Variants in PHACTR4 observed in about 807,000 individuals in gnomAD.
The protein encoded by PHACTR4 is protein phosphatase 1, regulatory subunit 124.
In PHACTR4, 51 loss-of-function variants were observed where a neutral mutation model predicts 72.7. That is an observed-to-expected ratio of 0.70 (90% CI 0.56 to 0.89). The LOEUF (loss-of-function observed/expected upper bound fraction) is 0.89. Ranked by LOEUF, PHACTR4 falls within the 40% of genes least tolerant of loss-of-function variation. The pLI is 0.00. For missense variants in PHACTR4, 731 were observed against 861.8 expected, an observed-to-expected ratio of 0.85 and a Z score of 1.90; for synonymous variants, 255 against 302.5, an observed-to-expected ratio of 0.84 and a Z score of 1.63.
chr1:28,495,756 A>T (rs534725705), intron 13 of PHACTR4, among the ~76,000 whole-genome samples: 1 of 151,900 alleles, frequency 6.6e-6, no homozygotes, highest in South Asian at 2.1e-4. Flanking sequence ...AGCTGTGACT[A>T]CAGGCACAGG....
Position 28,476,143 on chromosome 1 carries a change from A to G in PHACTR4, c.1458A>G (p.Pro486=). 3.1e-6 allele frequency: 5 copies of G among 1,613,352 alleles called. No individual in the cohort carries two copies. The highest frequency in any genetic ancestry group is 3.4e-6 in the Non-Finnish European group (4 of 1,179,846). Residue 486 remains proline (P), a synonymous_variant, in exon 8 of 14, where the codon CCA becomes CCG. Transcript: ENST00000373839. ...AAGAAGAAGAGGAGCAAACCTGTCCATCCACATTCAGTGAAGAAATGACAC... is the reference window on the plus strand; with the variant it reads ...AAGAAGAAGAGGAGCAAACCTGTCCGTCCACATTCAGTGAAGAAATGACAC... ...DDEEEEEQTC[P]STFSEEMTPT... is the part of the protein sequence containing the mutation.
chr1:28,421,967 A>C (rs1310514602), intron 2 of PHACTR4, among the ~76,000 whole-genome samples: 1 of 152,274 alleles, frequency 6.6e-6, no homozygotes, highest in Non-Finnish European at 1.5e-5. Flanking sequence ...GGCTGACTGA[A>C]TGACTTATTA....
chr1:28,402,458 A>C (rs1390672360), intron 1 of PHACTR4, among the ~76,000 whole-genome samples: 2 of 152,198 alleles, frequency 1.3e-5, no homozygotes, highest in Non-Finnish European at 2.9e-5. Flanking sequence ...GGTATTAAAA[A>C]TGGTAGAACT....
chr1:28,480,404 G>A (rs1428135554), intron 8 of PHACTR4, 47 bp from the exon 9 acceptor site: 4 of 1,605,172 alleles, frequency 2.5e-6, no homozygotes, highest in Non-Finnish European at 3.4e-6. Context: ...TTGAACCTTT[G>A]GCTTTAAGCC....
chr1:28,496,608 A>T lies in PHACTR4; in HGVS notation c.*59A>T. 1 of 1,594,668 alleles carries T rather than the reference A, an allele frequency of 6.3e-7. No individual in the cohort carries two copies. Among genetic ancestry groups the T allele is most frequent in the Non-Finnish European group, 8.6e-7 (1 of 1,164,184 alleles). On this transcript the variant is annotated 3_prime_UTR_variant, in exon 14 of 14. Coordinates refer to ENST00000373839, the MANE Select transcript of PHACTR4 (RefSeq NM_001048183.3). ...CTTTGCTGCTTCCTTCTCCAAAGTG[A>T]CATATGGAGGGAACTTTAGCACTTC... is the stretch of plus-strand genomic sequence containing the variant.
At chr1:28,493,393 C>A (rs1661154991) in intron 13 of PHACTR4, among the ~76,000 whole-genome samples, 1 of 152,062 alleles carries the variant, frequency 6.6e-6, no homozygotes, top group Non-Finnish European at 1.5e-5. Flanking sequence ...CAAAAATTAG[C>A]TGGGCCTGGT....
chr1:28,413,580 CT>C (rs1206316758), intron 2 of PHACTR4, among the ~76,000 whole-genome samples: 1 of 152,108 alleles, frequency 6.6e-6, no homozygotes, highest in Non-Finnish European at 1.5e-5. Flanking sequence ...ATTTATTCAA[CT>C]TTATCTTCTA....
chr1:28,410,057 C>T (rs1327755125), intron 2 of PHACTR4, among the ~76,000 whole-genome samples: 1 of 106,014 alleles, frequency 9.4e-6, no homozygotes, highest in Non-Finnish European at 2.2e-5. Flanking sequence ...ATCTCCGCCT[C>T]CCGAGTTCAA....
chr1:28,401,427 C>T (rs965239243), intron 1 of PHACTR4, among the ~76,000 whole-genome samples: 1 of 151,612 alleles, frequency 6.6e-6, no homozygotes, highest in African/African-American at 2.4e-5. Context: ...CTGCCTCAGC[C>T]TCCCACGTAG....
chr1:28,468,460 T>C (rs35834279), intron 6 of PHACTR4, among the ~76,000 whole-genome samples: 15,779 of 151,920 alleles, frequency 0.1, 1,896 homozygotes, highest in African/African-American at 0.3. Context: ...GGCATGGTGG[T>C]AGGCACCTGT....
At chr1:28,433,099 C>T in intron 2 of PHACTR4, 1 of 984,966 alleles carries the variant, frequency 1.0e-6, no homozygotes, top group Non-Finnish European at 1.2e-6. Flanking sequence ...AATTTTAATT[C>T]TGCTACTTCC....
chr1:28,474,939 T>TTTTATTTATTTATTTATTTATTTA (rs143428465), intron 7 of PHACTR4, among the ~76,000 whole-genome samples: 1 of 151,184 alleles, frequency 6.6e-6, no homozygotes, highest in African/African-American at 2.5e-5. Flanking sequence ...AAAACTTTAT[T>TTTTATTTATTTATTTATTTATTTA]TTTATTTATT....
chr1:28,427,466 C>T (rs1324615162), intron 2 of PHACTR4, among the ~76,000 whole-genome samples: 1 of 152,048 alleles, frequency 6.6e-6, no homozygotes, highest in Non-Finnish European at 1.5e-5. Context: ...GCGGACGTTG[C>T]AGTAAGCTGA....
intron 1 of PHACTR4, among the ~76,000 whole-genome samples, chr1:28,395,168 C>T (rs1266985338): frequency 1.3e-5 from 2 of 152,122 alleles, no homozygotes; most frequent in African/African-American, 2.4e-5. Flanking sequence ...CTGCCTTGGC[C>T]TCCTAAAGTG....
At chr1:28,424,070 A>G (rs575594230) in intron 2 of PHACTR4, among the ~76,000 whole-genome samples, 10 of 152,348 alleles carry the variant, frequency 6.6e-5, no homozygotes, top group East Asian at 3.9e-4. Context: ...GAGAGAAGAA[A>G]TAGAGAACAG....
intron 6 of PHACTR4, among the ~76,000 whole-genome samples, chr1:28,469,682 C>T (rs1293358476): frequency 2.0e-5 from 3 of 151,736 alleles, no homozygotes; most frequent in Non-Finnish European, 4.4e-5. Context: ...AAAAATATCT[C>T]TTTCACTGCT....
chr1:28,413,690 T>C (rs1654921826), intron 2 of PHACTR4, among the ~76,000 whole-genome samples: 1 of 152,212 alleles, frequency 6.6e-6, no homozygotes. Flanking sequence ...TTTCATTCTT[T>C]CAACAGATTT....
At chr1:28,477,326 C>G (rs1167858144) in intron 8 of PHACTR4, among the ~76,000 whole-genome samples, 2 of 151,404 alleles carry the variant, frequency 1.3e-5, no homozygotes, top group Non-Finnish European at 2.9e-5. Context: ...CCTCGTGATC[C>G]GCCCACCTCC....
intron 9 of PHACTR4, 70 bp downstream of exon 9, chr1:28,480,674 T>G: frequency 6.3e-7 from 1 of 1,580,168 alleles, no homozygotes; most frequent in South Asian, 1.1e-5. Flanking sequence ...TTGTTAGATG[T>G]GTTGTTTTTT....
Sources: allele counts gnomAD v4.1 joint callset (sites outside exome capture counted in the v4.1 genomes callset), GRCh38; gene constraint gnomAD v4.1.1; transcripts MANE v1.5; gene names NCBI Gene and HGNC (gene_info 2026-07-23, HGNC 2026-07-21).